Variants in PRKG1 observed in about 807,000 individuals in gnomAD.
PRKG1 encodes the protein cGMP-dependent protein kinase 1.
In PRKG1, 35 loss-of-function variants were observed where a neutral mutation model predicts 88.1. The ratio of observed to expected loss-of-function variants is 0.40; its 90% CI spans 0.30 to 0.53. The LOEUF is 0.53. Ranked by LOEUF, PRKG1 falls within the 20% of genes least tolerant of loss-of-function variation. The pLI is 0.59. For synonymous variants in PRKG1, 303 were observed against 292.5 expected, an observed-to-expected ratio of 1.04 and a Z score of -0.37; for missense variants, 540 against 839.8, an observed-to-expected ratio of 0.64 and a Z score of 4.41.
At chr10:51,686,799 A>C (rs1012406811) in intron 3 of PRKG1, among the ~76,000 whole-genome samples, 2 of 152,156 alleles carry the variant, frequency 1.3e-5, no homozygotes, top group East Asian at 1.9e-4. Flanking sequence ...GCAGTGGTGC[A>C]ATCTTGGCTC....
At chr10:52,038,186 T>C (rs913894783) in intron 5 of PRKG1, among the ~76,000 whole-genome samples, 1 of 151,872 alleles carries the variant, frequency 6.6e-6, no homozygotes, top group Non-Finnish European at 1.5e-5. Flanking sequence ...GGTTTTAAGT[T>C]TTTGAGAACA....
chr10:51,309,661 C>A lies in PRKG1; in HGVS notation c.478+156331C>A, dbSNP rs528206699. Among the ~76,000 whole-genome samples the A allele has an allele frequency of 2.1e-3, 315 of 151,904 alleles. 2 individuals are homozygous for A. Among genetic ancestry groups the A allele is most frequent in the African/African-American group, 7.3e-3 (303 of 41,272 alleles). On this transcript the variant is annotated intron_variant, in intron 2 of 17. Coordinates refer to ENST00000373980, the MANE Select transcript of PRKG1 (RefSeq NM_006258.4). Reference sequence around the variant, plus strand: ...CAATTATTGAGAATATAAGTTAGAACAACCTCTATGGAAAACAGTTTGGAG... The same window carrying A: ...CAATTATTGAGAATATAAGTTAGAAAAACCTCTATGGAAAACAGTTTGGAG...
intron 1 of PRKG1, among the ~76,000 whole-genome samples, chr10:51,094,290 C>A (rs573334645): frequency 2.6e-5 from 4 of 151,656 alleles, no homozygotes; most frequent in African/African-American, 9.7e-5. Flanking sequence ...TCAGTCTGTA[C>A]GTGAAGATAG....
chr10:51,529,186 T>A (rs1460828555), intron 3 of PRKG1, among the ~76,000 whole-genome samples: 1 of 152,098 alleles, frequency 6.6e-6, no homozygotes, highest in Non-Finnish European at 1.5e-5. Context: ...CCTGTTGACT[T>A]GACCTTCAAA....
rs565634225 is a variant in PRKG1 at position 51,414,771 on chromosome 10, T to A, written c.479-52952T>A. ...TTACAACATCCTTTCAAGATTTTTTTAAAAAACAATATTATGATTCTACAC... is the reference window on the plus strand; with the variant it reads ...TTACAACATCCTTTCAAGATTTTTTAAAAAAACAATATTATGATTCTACAC... On this transcript the variant is annotated intron_variant, in intron 2 of 17. Coordinates refer to ENST00000373980, the MANE Select transcript of PRKG1 (RefSeq NM_006258.4). 4.2e-3 allele frequency among the ~76,000 whole-genome samples: 642 copies of A among 152,292 alleles called. 5 individuals carry two copies. Among genetic ancestry groups the A allele is most frequent in the Middle Eastern group, 6.8e-3 (2 of 294 alleles).
intron 9 of PRKG1, among the ~76,000 whole-genome samples, chr10:52,163,307 T>C (rs1464734698): frequency 6.7e-6 from 1 of 148,570 alleles, no homozygotes; most frequent in East Asian, 1.9e-4. Flanking sequence ...AATTTACATA[T>C]AGTATATATG....
At chr10:52,036,316 C>T (rs1177844896) in intron 5 of PRKG1, among the ~76,000 whole-genome samples, 1 of 151,892 alleles carries the variant, frequency 6.6e-6, no homozygotes, top group Non-Finnish European at 1.5e-5. Context: ...ATGGGTTTGG[C>T]ACTACGGGGT....
At chr10:52,135,691 C>T (rs917761132) in intron 8 of PRKG1, among the ~76,000 whole-genome samples, 7 of 151,944 alleles carry the variant, frequency 4.6e-5, no homozygotes, top group Non-Finnish European at 1.0e-4. Context: ...TTGGTAGGTA[C>T]GATGACATTC....
At chr10:51,934,821 G>A (rs372387707) in intron 5 of PRKG1, among the ~76,000 whole-genome samples, 2 of 152,236 alleles carry the variant, frequency 1.3e-5, no homozygotes, top group African/African-American at 4.8e-5. Flanking sequence ...TTATGTCTGA[G>A]CAATTGTTTT....
intron 3 of PRKG1, among the ~76,000 whole-genome samples, chr10:51,525,966 C>T (rs557331892): frequency 9.2e-5 from 14 of 152,022 alleles, no homozygotes; most frequent in Non-Finnish European, 1.6e-4. Flanking sequence ...GCTAGGATTA[C>T]AGCTACTCAT....
intron 3 of PRKG1, among the ~76,000 whole-genome samples, chr10:51,750,890 C>CAAA (rs5784886): frequency 1.3e-5 from 2 of 148,836 alleles, no homozygotes. Flanking sequence ...ATTTCATAAG[C>CAAA]AAAAAAAAAA....
chr10:51,032,221 G>C (rs2132747257), intron 1 of PRKG1, among the ~76,000 whole-genome samples: 1 of 152,182 alleles, frequency 6.6e-6, no homozygotes, highest in South Asian at 2.1e-4. Context: ...GCCTCTCTGA[G>C]GATCTGTGAC....
chr10:51,892,752 C>T (rs2132911124), intron 4 of PRKG1, among the ~76,000 whole-genome samples: 1 of 152,266 alleles, frequency 6.6e-6, no homozygotes, highest in Non-Finnish European at 1.5e-5. Context: ...GCCAGCCCTG[C>T]ACATTGAAGA....
intron 2 of PRKG1, among the ~76,000 whole-genome samples, chr10:51,251,251 A>T (rs61849751): frequency 0.022 from 3,321 of 151,870 alleles, 59 homozygotes; most frequent in Non-Finnish European, 0.034. Context: ...TGGCAAGGAC[A>T]TCTGCAAGTT....
chr10:51,203,475 T>C (rs932284017), intron 2 of PRKG1, among the ~76,000 whole-genome samples: 1 of 152,162 alleles, frequency 6.6e-6, no homozygotes, highest in African/African-American at 2.4e-5. Context: ...ATTCAGACTA[T>C]TTTCTGACTA....
At chr10:51,764,019 A>G (rs1413223348) in intron 3 of PRKG1, among the ~76,000 whole-genome samples, 1 of 152,218 alleles carries the variant, frequency 6.6e-6, no homozygotes, top group Non-Finnish European at 1.5e-5. Context: ...TGATGACTCA[A>G]TCATCTCTTA....
intron 9 of PRKG1, among the ~76,000 whole-genome samples, chr10:52,240,053 G>T (rs1002865350): frequency 6.6e-6 from 1 of 152,152 alleles, no homozygotes; most frequent in African/African-American, 2.4e-5. Flanking sequence ...ATCTGATTTT[G>T]AGAGGGACAC....
chr10:51,913,348 T>C (rs1842266352), intron 5 of PRKG1, among the ~76,000 whole-genome samples: 1 of 152,200 alleles, frequency 6.6e-6, no homozygotes, highest in Non-Finnish European at 1.5e-5. Context: ...ATCCAATAAG[T>C]AGTTTTTCAA....
intron 14 of PRKG1, among the ~76,000 whole-genome samples, chr10:52,287,196 A>G (rs1409956150): frequency 2.0e-5 from 3 of 152,052 alleles, no homozygotes; most frequent in African/African-American, 7.2e-5. Flanking sequence ...GAAAACTGGC[A>G]TGTTAAGAGA....
Sources: gnomAD v4.1 joint callset for allele counts (sites outside exome capture counted in the v4.1 genomes callset) on GRCh38, gnomAD v4.1.1 for gene constraint, MANE v1.5 for transcripts, NCBI Gene and HGNC (gene_info 2026-07-23, HGNC 2026-07-21) for gene names.